The following ZNF385B variants were observed in gnomAD, a reference collection of about 807,000 sequenced individuals.
The protein encoded by ZNF385B is zinc finger protein 385B.
Under a neutral mutation model 39.2 loss-of-function variants are expected in ZNF385B, and 23 were observed. The ratio of observed to expected loss-of-function variants is 0.59; its 90% confidence interval spans 0.42 to 0.83. The LOEUF is 0.83. Ranked by LOEUF, ZNF385B falls within the 40% of genes least tolerant of loss-of-function variation. The probability of loss-of-function intolerance (pLI) is 0.00; values close to 1 mark genes in which losing one functional copy is unlikely to be tolerated. For synonymous variants in ZNF385B, 205 were observed against 222.6 expected, an observed-to-expected ratio of 0.92 and a Z score of 0.70; for missense variants, 552 against 598.9, an observed-to-expected ratio of 0.92 and a Z score of 0.82.
At chr2:179,777,643 T>C (rs1166190906) in intron 1 of ZNF385B, among the ~76,000 whole-genome samples, 1 of 152,170 alleles carries the variant, frequency 6.6e-6, no homozygotes, top group African/African-American at 2.4e-5. Flanking sequence ...AGAATTATTC[T>C]CATCTTTTAA....
intron 3 of ZNF385B, among the ~76,000 whole-genome samples, chr2:179,623,318 C>T (rs1690379124): frequency 6.6e-6 from 1 of 151,724 alleles, no homozygotes; most frequent in Non-Finnish European, 1.5e-5. Context: ...CTATGTCTCC[C>T]TAGGAATTCT....
intron 3 of ZNF385B, among the ~76,000 whole-genome samples, chr2:179,758,454 G>A (rs1431541632): frequency 6.6e-6 from 1 of 152,106 alleles, no homozygotes; most frequent in African/African-American, 2.4e-5. Context: ...TCTTTTATAA[G>A]AGCACTAATC....
chr2:179,503,191 A>G (rs1360900964), intron 5 of ZNF385B, among the ~76,000 whole-genome samples: 4 of 152,148 alleles, frequency 2.6e-5, no homozygotes, highest in Non-Finnish European at 2.9e-5. Flanking sequence ...ATTTTGTATC[A>G]TATCTTTGTT....
chr2:179,728,125 GA>G (rs1272138073), intron 3 of ZNF385B, among the ~76,000 whole-genome samples: 5 of 152,006 alleles, frequency 3.3e-5, no homozygotes, highest in Non-Finnish European at 7.4e-5. Context: ...AAAGTTGTCT[GA>G]ATAAAATGCA....
chr2:179,529,604 A>G (rs571119883), intron 4 of ZNF385B, among the ~76,000 whole-genome samples: 6 of 152,326 alleles, frequency 3.9e-5, no homozygotes, highest in African/African-American at 1.4e-4. Context: ...CTACCTGGAA[A>G]TCTTTCAGGG....
chr2:179,594,702 C>T (rs11692794), intron 3 of ZNF385B, among the ~76,000 whole-genome samples: 62,059 of 151,936 alleles, frequency 0.41, 13,087 homozygotes, highest in Middle Eastern at 0.55. Context: ...AGTGCCAAAA[C>T]ATGCTTGTAA....
At chr2:179,759,538 C>T (rs1035346226) in intron 3 of ZNF385B, among the ~76,000 whole-genome samples, 3 of 152,096 alleles carry the variant, frequency 2.0e-5, no homozygotes, top group Non-Finnish European at 4.4e-5. Flanking sequence ...TACTTCACTC[C>T]AATAATAAGA....
intron 3 of ZNF385B, among the ~76,000 whole-genome samples, chr2:179,726,549 CAT>C (rs1246475149): frequency 6.6e-6 from 1 of 151,970 alleles, no homozygotes; most frequent in Admixed American, 6.6e-5. Context: ...AAGCACTTAA[CAT>C]AGTAGTTGGC....
At chr2:179,509,467 C>T (rs559436028) in intron 5 of ZNF385B, among the ~76,000 whole-genome samples, 1 of 152,116 alleles carries the variant, frequency 6.6e-6, no homozygotes, top group Admixed American at 6.5e-5. Flanking sequence ...TGTCCCTGCT[C>T]CCTGTAATCA....
At chr2:179,661,666 T>C (rs934749550) in intron 3 of ZNF385B, among the ~76,000 whole-genome samples, 2 of 152,238 alleles carry the variant, frequency 1.3e-5, no homozygotes, top group African/African-American at 4.8e-5. Context: ...ATAAATTGTT[T>C]TATTGCCATA....
chr2:179,770,560 A>G lies in ZNF385B; in HGVS notation c.-42T>C, dbSNP rs987433468. ...TAAAAGTCCCTTTATAAGTCAGCTG[A>G]CAGGAATTTGGACATATTTTCTTAT... On this transcript the variant is annotated 5_prime_UTR_variant, in exon 2 of 10. Coordinates refer to ENST00000410066, the MANE Select transcript of ZNF385B (RefSeq NM_152520.6). 8 of 152,246 alleles carry G rather than the reference A, an allele frequency of 5.3e-5. No homozygotes were observed. The highest frequency in any genetic ancestry group is 1.2e-4 in the Non-Finnish European group (8 of 68,034). 9.4% of individuals were successfully genotyped at this position (152,246 alleles called of 1,614,324 possible).
chr2:179,760,223 C>CGCGCAT (rs11282329), intron 3 of ZNF385B, among the ~76,000 whole-genome samples: 11 of 144,476 alleles, frequency 7.6e-5, no homozygotes, highest in Non-Finnish European at 1.5e-4. Flanking sequence ...TTCCTGTGTG[C>CGCGCAT]GTGTGTGTGT....
At chr2:179,796,169 G>A (rs1220914486) in intron 1 of ZNF385B, 1 of 152,144 alleles carries the variant, frequency 6.6e-6, no homozygotes, top group Non-Finnish European at 1.5e-5. Context: ...GGATCACTTT[G>A]CAGAAGATTT....
At chr2:179,814,640 G>A in intron 1 of ZNF385B, 1 of 454,408 alleles carries the variant, frequency 2.2e-6, no homozygotes. Flanking sequence ...ACCTGGTCTT[G>A]TCCCCAAAAA....
At chr2:179,652,111 T>C (rs1018419919) in intron 3 of ZNF385B, among the ~76,000 whole-genome samples, 6 of 152,044 alleles carry the variant, frequency 3.9e-5, no homozygotes, top group African/African-American at 9.7e-5. Context: ...TTTTAAGATA[T>C]AGATTTGGAA....
At chr2:179,830,524 T>C (rs147660018) in intron 1 of ZNF385B, among the ~76,000 whole-genome samples, 20 of 152,338 alleles carry the variant, frequency 1.3e-4, no homozygotes, top group African/African-American at 4.8e-4. Context: ...CAATGTAATA[T>C]TATTCAGCAA....
chr2:179,809,394 T>C (rs1706595271), intron 1 of ZNF385B, among the ~76,000 whole-genome samples: 1 of 152,174 alleles, frequency 6.6e-6, no homozygotes, highest in Non-Finnish European at 1.5e-5. Context: ...TTTGTATATC[T>C]TCATATTCAC....
chr2:179,818,918 T>C (rs181990588), intron 1 of ZNF385B, among the ~76,000 whole-genome samples: 36 of 152,198 alleles, frequency 2.4e-4, no homozygotes, highest in Admixed American at 2.0e-3. Flanking sequence ...AATGGCCTCT[T>C]CACTGGGTAG....
At chr2:179,573,553 A>G (rs965835681) in intron 3 of ZNF385B, among the ~76,000 whole-genome samples, 4 of 152,148 alleles carry the variant, frequency 2.6e-5, no homozygotes, top group African/African-American at 9.6e-5. Context: ...TGTTTTATTT[A>G]TTAGTTATGT....
Sources: allele counts gnomAD v4.1 joint callset (sites outside exome capture counted in the v4.1 genomes callset), GRCh38; gene constraint gnomAD v4.1.1; transcripts MANE v1.5; gene names NCBI Gene and HGNC (gene_info 2026-07-23, HGNC 2026-07-21).